PDZD8: variants seen among roughly 807,000 people sequenced by gnomAD.
PDZD8 encodes PDZ domain containing 8.
Under a neutral mutation model 85.8 loss-of-function variants are expected in PDZD8, and 14 were observed. The ratio of observed to expected loss-of-function variants is 0.16; its 90% CI spans 0.11 to 0.26. The LOEUF (loss-of-function observed/expected upper bound fraction) is 0.26, where lower values mean the gene tolerates loss of function less well. PDZD8 is among the 10% of genes least tolerant of loss of function. The pLI is 1.00. For missense variants in PDZD8, 1,197 were observed against 1,424.3 expected (o/e 0.84, Z 2.57); for synonymous variants, 592 against 568.6 (o/e 1.04, Z -0.59).
At chr10:117,289,070 T>C (rs1844714812) in intron 4 of PDZD8, among the ~76,000 whole-genome samples, 3 of 152,136 alleles carry the variant, frequency 2.0e-5, no homozygotes, top group Non-Finnish European at 4.4e-5. Flanking sequence ...GCATCATCAT[T>C]TGGGAGGAGT....
intron 1 of PDZD8, among the ~76,000 whole-genome samples, chr10:117,359,164 C>T (rs569649869): frequency 1.3e-5 from 2 of 152,306 alleles, no homozygotes; most frequent in African/African-American, 4.8e-5. Flanking sequence ...CCTGTAATCC[C>T]AGCACCTTGG....
chr10:117,283,559 A>G lies in PDZD8; in HGVS notation c.3174T>C (p.Val1058=), dbSNP rs1342884632. Residue 1058 remains valine (V), a synonymous_variant, in exon 5 of 5, where the codon GTT becomes GTC. Coordinates refer to ENST00000334464, the MANE Select transcript of PDZD8 (RefSeq NM_173791.5). ...DQELEHNNSL[V]REEKETTDTR... ...TATCAGTTGTCTCTTTTTCTTCTCT[A>G]ACAAGGGAATTATTGTGTTCCAACT... 1.9e-6 allele frequency: 3 copies of G among 1,614,034 alleles called. No homozygotes were observed. Among genetic ancestry groups the G allele is most frequent in the Non-Finnish European group, 2.5e-6 (3 of 1,180,036 alleles).
intron 3 of PDZD8, among the ~76,000 whole-genome samples, chr10:117,291,731 C>G (rs1844770065): frequency 1.3e-5 from 2 of 151,544 alleles, no homozygotes; most frequent in Admixed American, 6.6e-5. Context: ...TCTAACCCAT[C>G]AAGATCATTT....
intron 3 of PDZD8, among the ~76,000 whole-genome samples, chr10:117,291,058 A>G (rs1389445793): frequency 1.3e-5 from 2 of 150,948 alleles, no homozygotes; most frequent in East Asian, 4.0e-4. Context: ...TTTTGTGTAG[A>G]GATCGGGTTT....
At chr10:117,363,995 C>T (rs894352100) in intron 1 of PDZD8, among the ~76,000 whole-genome samples, 1 of 152,078 alleles carries the variant, frequency 6.6e-6, no homozygotes, top group Admixed American at 6.6e-5. Context: ...CAATATTGAC[C>T]TTTCTAAAAA....
chr10:117,363,994 C>A (rs1319944101), intron 1 of PDZD8, among the ~76,000 whole-genome samples: 1 of 152,112 alleles, frequency 6.6e-6, no homozygotes, highest in Non-Finnish European at 1.5e-5. Context: ...TCAATATTGA[C>A]CTTTCTAAAA....
At chr10:117,342,985 C>A (rs1234095886) in intron 1 of PDZD8, among the ~76,000 whole-genome samples, 1 of 152,174 alleles carries the variant, frequency 6.6e-6, no homozygotes, top group African/African-American at 2.4e-5. Context: ...TGCTTTCACT[C>A]TTCTCTATCT....
At chr10:117,335,985 A>G (rs1704859586) in intron 2 of PDZD8, among the ~76,000 whole-genome samples, 1 of 152,234 alleles carries the variant, frequency 6.6e-6, no homozygotes. Flanking sequence ...AGGTTTGCAC[A>G]TTCTTTATCC....
chr10:117,366,571 C>T (rs1271079393), intron 1 of PDZD8, among the ~76,000 whole-genome samples: 2 of 149,528 alleles, frequency 1.3e-5, no homozygotes, highest in East Asian at 4.0e-4. Context: ...CCACTACCAC[C>T]ACCACCACTG....
chr10:117,305,471 TACACACACACACACACACAC>T (rs57037106), intron 3 of PDZD8, among the ~76,000 whole-genome samples: 1,982 of 141,856 alleles, frequency 0.014, 45 homozygotes, highest in African/African-American at 0.048. Context: ...TACACACACA[TACACACACACACACACACAC>T]ACACACACAC....
At chr10:117,296,775 T>C (rs1018176999) in intron 3 of PDZD8, among the ~76,000 whole-genome samples, 1 of 152,032 alleles carries the variant, frequency 6.6e-6, no homozygotes. Context: ...ACACACTACA[T>C]AAAAATTTAT....
At chr10:117,367,909 G>GA (rs58822160) in intron 1 of PDZD8, among the ~76,000 whole-genome samples, 71 of 142,792 alleles carry the variant, frequency 5.0e-4, no homozygotes, top group South Asian at 6.7e-4. Context: ...AACGAGAGAG[G>GA]AAAAAAAAAA....
Position 117,283,812 on chromosome 10 carries a change from G to A in PDZD8, c.2921C>T (p.Thr974Met), listed in dbSNP as rs774178751. Residue 974 changes from threonine to methionine, a missense_variant, in exon 5 of 5, where the codon ACG becomes ATG. Physicochemically the swap from Thr to Met is moderately conservative, Grantham distance 81 (BLOSUM62 -1). Transcript: ENST00000334464. ...CGTGTCACTGCCTTCGTTGTCTGAC[G>A]TGTTGGGTGTGTGTTTTGGTGAAGG... ...VEPSPKHTPN[T>M]SDNEGSDTEV... 46 of 1,614,064 alleles carry A rather than the reference G, an allele frequency of 2.8e-5. No individual in the cohort carries two copies. Among genetic ancestry groups the A allele is most frequent in the Middle Eastern group, 1.6e-4 (1 of 6,084 alleles).
intron 2 of PDZD8, among the ~76,000 whole-genome samples, chr10:117,340,362 T>G (rs578071843): frequency 1.3e-5 from 2 of 152,334 alleles, no homozygotes; most frequent in South Asian, 4.1e-4. Flanking sequence ...CCCCTATCCT[T>G]GATATCTGAT....
Position 117,313,347 on chromosome 10 carries a change from G to C in PDZD8, c.1098+5525C>G, listed in dbSNP as rs977738170. 2.0e-5 allele frequency among the ~76,000 whole-genome samples: 3 copies of C among 152,248 alleles called. No individual in the cohort carries two copies. In the South Asian group the frequency reaches 6.2e-4, roughly 32 times the overall value. ...TGTTGATTACATGTCAAAATGACCA[G>C]GTTTGGGATATATGGGTCAAATAAA... On this transcript the variant is annotated intron_variant, in intron 3 of 4. Transcript: ENST00000334464.
chr10:117,319,139 A>C (rs1316124204), intron 2 of PDZD8, among the ~76,000 whole-genome samples, 165 bp from the exon 3 acceptor site: 2 of 152,138 alleles, frequency 1.3e-5, no homozygotes, highest in Non-Finnish European at 2.9e-5. Context: ...CTCTAGTGGA[A>C]ACATGAAGTA....
chr10:117,301,888 G>A (rs939481358), intron 3 of PDZD8, among the ~76,000 whole-genome samples: 2 of 151,162 alleles, frequency 1.3e-5, no homozygotes, highest in Admixed American at 6.6e-5. Context: ...TCCCTCCCCC[G>A]GACAGCCCCC....
intron 2 of PDZD8, among the ~76,000 whole-genome samples, chr10:117,323,162 T>C (rs1320597273): frequency 6.6e-6 from 1 of 152,150 alleles, no homozygotes; most frequent in African/African-American, 2.4e-5. Flanking sequence ...ATCTAAGAAA[T>C]GTACTTGAAT....
chr10:117,286,938 A>G (rs1334443871), intron 4 of PDZD8, among the ~76,000 whole-genome samples: 4 of 152,132 alleles, frequency 2.6e-5, no homozygotes, highest in Non-Finnish European at 5.9e-5. Context: ...ATCAGTCTGT[A>G]AACAACTAAG....
Sources: gnomAD v4.1 joint callset for allele counts (sites outside exome capture counted in the v4.1 genomes callset) on GRCh38, gnomAD v4.1.1 for gene constraint, MANE v1.5 for transcripts, NCBI Gene and HGNC (gene_info 2026-07-23, HGNC 2026-07-21) for gene names.